The following PWWP2A variants were observed in gnomAD, a reference collection of about 807,000 sequenced individuals.
PWWP2A encodes PWWP domain-containing protein 2A.
In PWWP2A, 18 loss-of-function variants were observed where a neutral mutation model predicts 48.5. The ratio of observed to expected loss-of-function variants is 0.37; its 90% CI spans 0.26 to 0.55. The LOEUF (loss-of-function observed/expected upper bound fraction) is 0.55. Among genes scored for constraint, PWWP2A ranks in the 20% least tolerant of loss-of-function variants. The pLI is 0.81. For missense variants in PWWP2A, 867 were observed against 976.4 expected (o/e 0.89, Z 1.49); for synonymous variants, 396 against 387.7 (o/e 1.02, Z -0.25).
At chr5:160,050,145 T>TA in the PWWP2A span, among the ~76,000 whole-genome samples, 1 of 151,546 alleles carries the variant, frequency 6.6e-6, no homozygotes, top group Non-Finnish European at 1.5e-5. Context: ...TAAGACTTTG[T>TA]ATCTTAAAAA....
chr5:160,111,138 G>A (rs2113660641), intron 1 of PWWP2A, among the ~76,000 whole-genome samples: 1 of 152,196 alleles, frequency 6.6e-6, no homozygotes, highest in Non-Finnish European at 1.5e-5. Flanking sequence ...ACCAGCCTGG[G>A]CAACATAGCG....
At chr5:160,102,279 A>T (rs564828593) in intron 1 of PWWP2A, among the ~76,000 whole-genome samples, 1 of 148,698 alleles carries the variant, frequency 6.7e-6, no homozygotes, top group Non-Finnish European at 1.5e-5. Context: ...GTGGTGACAG[A>T]CACCTGTAAT....
chr5:160,078,280 TTTTTTC>T lies in PWWP2A; in HGVS notation c.1670-118_1670-113del. 1.1e-6 allele frequency: 1 copy of T among 879,772 alleles called. No homozygotes were observed. Among genetic ancestry groups the T allele is most frequent in the Non-Finnish European group, 1.8e-6 (1 of 548,752 alleles). 54.5% of individuals were successfully genotyped at this position (879,772 alleles called of 1,614,324 possible). A position where few individuals can be genotyped will look rare whatever the true frequency, so the allele number is the denominator to read the frequency against. On this transcript the variant is annotated intron_variant, in intron 3 of 3. Transcript: ENST00000456329. This position sits in a 1 kb window ranked among gnomAD's most constrained non-coding sequence, Gnocchi z 4.2. ...ACATAGATTGTGGGATCACACCTGA[TTTTTTC>T]TTTTAAATCGGTTAAACCTGACCGA...
At chr5:160,085,467 AG>A (rs1754551859) in intron 2 of PWWP2A, among the ~76,000 whole-genome samples, 1 of 151,378 alleles carries the variant, frequency 6.6e-6, no homozygotes, top group Non-Finnish European at 1.5e-5. Flanking sequence ...GTTAAGACTC[AG>A]ATTTCCAAGT....
chr5:160,082,066 TCC>T (rs1754272709), intron 2 of PWWP2A, among the ~76,000 whole-genome samples: 1 of 152,238 alleles, frequency 6.6e-6, no homozygotes, highest in African/African-American at 2.4e-5. Flanking sequence ...GAGGTATTTA[TCC>T]TTTTGTTCAT....
At chr5:160,045,454 C>CCACACACACACACA in the PWWP2A span, among the ~76,000 whole-genome samples, 17 of 38,910 alleles carry the variant, frequency 4.4e-4, no homozygotes, top group Non-Finnish European at 5.3e-4. Flanking sequence ...CCCCCACCCT[C>CCACACACACACACA]CACACACACA....
intron 1 of PWWP2A, among the ~76,000 whole-genome samples, chr5:160,116,065 T>C (rs1416226455): frequency 6.6e-6 from 1 of 152,008 alleles, no homozygotes; most frequent in Non-Finnish European, 1.5e-5. Context: ...CCTCAACATT[T>C]CCACAATTTT....
Position 160,077,863 on chromosome 5 carries a change from T to TAGATCTCGG in PWWP2A, c.*291_*292insCCGAGATCT. On this transcript the variant is annotated 3_prime_UTR_variant, in exon 4 of 4. Transcript: ENST00000456329. The surrounding 1 kb of genome is among the most constrained non-coding windows in gnomAD (Gnocchi z 4.2). ...CATTCCAAAGAAGTTACTGTCAGTGTTTCTTCATATATAAAATTCAAGTGA... is the reference window on the plus strand; with the variant it reads ...CATTCCAAAGAAGTTACTGTCAGTGTAGATCTCGGTTCTTCATATATAAAATTCAAGTGA... 2.8e-6 allele frequency: 1 copy of TAGATCTCGG among 352,440 alleles called. No homozygotes were observed. Among genetic ancestry groups the TAGATCTCGG allele is most frequent in the Non-Finnish European group, 5.2e-6 (1 of 191,624 alleles). The allele number at this position is 352,440 out of a possible 1,614,324, so 21.8% of individuals were successfully genotyped here. A position where few individuals can be genotyped will look rare whatever the true frequency, so the allele number is the denominator to read the frequency against.
chr5:160,074,198 G>A (rs1753812161), downstream of PWWP2A, among the ~76,000 whole-genome samples: 1 of 152,122 alleles, frequency 6.6e-6, no homozygotes, highest in African/African-American at 2.4e-5. Flanking sequence ...CAGCACTTTG[G>A]GAGGCTGAGG....
At position 160,092,988 on chromosome 5, in the gene PWWP2A, T is replaced by C. The variant is rs1386303957; in HGVS notation, c.1662A>G (p.Thr554=). The change falls in exon 2 of 2, where the codon ACA becomes ACG. Residue 554 remains threonine, a synonymous_variant. Transcript: ENST00000307063. ...TGTTTTTGCTGCCCTTTTTGCCCAA[T>C]GTCTGTGGTTCATCCTGATCACCAG... is the stretch of plus-strand genomic sequence containing the variant. ...HVPGDQDEPQ[T]LGKKGSKNNI... 2 of 1,568,150 alleles carry C rather than the reference T, an allele frequency of 1.3e-6. No individual in the cohort carries two copies. Among genetic ancestry groups the C allele is most frequent in the East Asian group, 2.3e-5 (1 of 42,716 alleles).
chr5:160,117,562 C>T (rs1758264570), intron 1 of PWWP2A, among the ~76,000 whole-genome samples: 1 of 151,184 alleles, frequency 6.6e-6, no homozygotes, highest in East Asian at 1.9e-4. Flanking sequence ...GAGGCTGAGG[C>T]GGGAGAATCG....
intron 1 of PWWP2A, 142 bp from the exon 2 acceptor site, chr5:160,094,207 C>G (rs1755378366): frequency 2.8e-6 from 3 of 1,089,120 alleles, no homozygotes; most frequent in Admixed American, 6.3e-5. Flanking sequence ...CTACAAAAAT[C>G]TACTATCTCT....
At position 160,119,097 on chromosome 5, in the gene PWWP2A, G is replaced by T; in HGVS notation, c.292C>A (p.Arg98=). The T allele has an allele frequency of 6.3e-7, 1 of 1,588,378 alleles. No homozygotes were observed. The highest frequency in any genetic ancestry group is 8.5e-7 in the Non-Finnish European group (1 of 1,176,126). Residue 98 remains arginine (R), a synonymous_variant, in exon 1 of 2, where the codon CGG becomes AGG. Transcript: ENST00000307063. ...GCGGCTGCCGCCGACTCCGCCACCC[G>T]AACGGACAGTTTCTCCTCAGCCTCC... ...ELEAEEKLSV[R]VAESAAAAPQ...
rs902365407 is a variant in PWWP2A at position 160,092,146 on chromosome 5, G to A, written c.*236C>T. 2.1e-5 allele frequency: 26 copies of A among 1,255,164 alleles called. No individual in the cohort carries two copies. Among genetic ancestry groups the A allele is most frequent in the South Asian group, 1.8e-4 (7 of 38,714 alleles). 77.8% of individuals were successfully genotyped at this position (1,255,164 alleles called of 1,614,324 possible). A position where few individuals can be genotyped will look rare whatever the true frequency, so the allele number is the denominator to read the frequency against. On this transcript the variant is annotated 3_prime_UTR_variant, in exon 2 of 2. Coordinates refer to ENST00000307063, the MANE Select transcript of PWWP2A (RefSeq NM_001130864.2). The stretch of plus-strand genomic sequence containing the variant: ...GGCTCCTATGCCTTGGGATGGTTTC[G>A]AACTTCAAAACTGAAAAATACTGCT...
chr5:160,075,952 T>C (rs1453839985), exon 4 of PWWP2A: 2 of 151,990 alleles, frequency 1.3e-5, no homozygotes, highest in African/African-American at 4.8e-5. Flanking sequence ...ACTCTGAGCA[T>C]ACTTAAGATG....
At chr5:160,066,102 C>G (rs927292694) in intron 4 of PWWP2A, among the ~76,000 whole-genome samples, 1 of 152,072 alleles carries the variant, frequency 6.6e-6, no homozygotes, top group African/African-American at 2.4e-5. Flanking sequence ...TTCCTAAAAG[C>G]TTTTTATCTT....
At chr5:160,116,550 A>C in intron 1 of PWWP2A, 5 of 350,622 alleles carry the variant, frequency 1.4e-5, no homozygotes, top group Non-Finnish European at 2.0e-5. Context: ...TAGCTCCTCC[A>C]ACAAAAGAAA....
intron 1 of PWWP2A, among the ~76,000 whole-genome samples, chr5:160,115,136 T>TAAAAAA (rs1561708134): frequency 3.1e-4 from 14 of 45,720 alleles, no homozygotes; most frequent in African/African-American, 1.6e-3. Context: ...GGAGACTCTG[T>TAAAAAA]CAAAAAAAAA....
intron 2 of PWWP2A, among the ~76,000 whole-genome samples, chr5:160,068,228 A>C (rs1240536738): frequency 6.6e-6 from 1 of 152,192 alleles, no homozygotes; most frequent in Non-Finnish European, 1.5e-5. Context: ...CCACCAAAAA[A>C]GCATACCAGA....
Sources: allele counts gnomAD v4.1 joint callset (sites outside exome capture counted in the v4.1 genomes callset), GRCh38; gene constraint gnomAD v4.1.1; non-coding constraint Gnocchi (gnomAD v3.1); transcripts MANE v1.5; gene names NCBI Gene and HGNC (gene_info 2026-07-23, HGNC 2026-07-21).